ACYP2: variants seen among roughly 807,000 people sequenced by gnomAD.
ACYP2 encodes the protein acylphosphatase 2, also known as acylphosphatase-2.
Under a neutral mutation model 11.2 loss-of-function variants are expected in ACYP2, and 12 were observed. The observed-to-expected ratio is 1.08, with a 90% confidence interval of 0.69 to 1.74. ACYP2 has a LOEUF of 1.74. Ranked by LOEUF, ACYP2 falls within the 40% of genes most tolerant of loss-of-function variation. The pLI is 0.00. For missense variants in ACYP2, 134 were observed against 101.9 expected (o/e 1.31, Z -1.35); for synonymous variants, 43 against 32.2 (o/e 1.33, Z -1.13).
At chr2:54,255,144 G>A in intron 6 of ACYP2, 1 of 1,614,124 alleles carries the variant, frequency 6.2e-7, no homozygotes, top group South Asian at 1.1e-5. Flanking sequence ...TGAAGGACTG[G>A]GGTCCATGGC....
chr2:53,983,844 C>T (rs760606077), intron 2 of ACYP2, among the ~76,000 whole-genome samples: 4 of 152,090 alleles, frequency 2.6e-5, no homozygotes, highest in Non-Finnish European at 5.9e-5. Context: ...CAAGAGTTTT[C>T]AATGGGCCCA....
chr2:54,303,864 A>G (rs1358083572), intron 6 of ACYP2, among the ~76,000 whole-genome samples: 2 of 152,214 alleles, frequency 1.3e-5, no homozygotes, highest in Non-Finnish European at 2.9e-5. Context: ...TTATAAACCT[A>G]AAGTCCCAGC....
chr2:54,073,431 G>C lies in ACYP2; in HGVS notation c.277+16071G>C, dbSNP rs1307239028. On this transcript the variant is annotated intron_variant, in intron 4 of 6. Coordinates refer to ENST00000607452, the MANE Select transcript of ACYP2 (RefSeq NM_001320586.2). ...CCAGAGCTAGAAGTACAAAACTCTT[G>C]GAAGAAAACATAGATGTAACTCTTT... is the stretch of plus-strand genomic sequence containing the variant. Among the ~76,000 whole-genome samples, 2 of 152,072 alleles carry C rather than the reference G, an allele frequency of 1.3e-5. 1 individual carries two copies. Among genetic ancestry groups the C allele is most frequent in the African/African-American group, 4.8e-5 (2 of 41,402 alleles).
At chr2:54,173,565 C>T (rs994307939) in intron 6 of ACYP2, among the ~76,000 whole-genome samples, 25 of 152,172 alleles carry the variant, frequency 1.6e-4, no homozygotes, top group Admixed American at 3.3e-4. Flanking sequence ...TTGTCTATTT[C>T]GGCTTTTGTT....
chr2:54,186,733 C>A (rs1368081847), intron 6 of ACYP2, among the ~76,000 whole-genome samples: 1 of 152,086 alleles, frequency 6.6e-6, no homozygotes, highest in Non-Finnish European at 1.5e-5. Context: ...AGGCTGGTCT[C>A]AAATTCCTGA....
At chr2:54,244,316 C>G (rs1015424382) in intron 6 of ACYP2, among the ~76,000 whole-genome samples, 1 of 152,188 alleles carries the variant, frequency 6.6e-6, no homozygotes, top group African/African-American at 2.4e-5. Flanking sequence ...ATTCTTGCGC[C>G]TTAGCCTCCC....
chr2:54,049,142 T>C (rs2104569273), intron 2 of ACYP2, among the ~76,000 whole-genome samples: 1 of 152,202 alleles, frequency 6.6e-6, no homozygotes, highest in Middle Eastern at 3.4e-3. Flanking sequence ...ATGCCTGTAA[T>C]TCCAGCTACT....
intron 6 of ACYP2, chr2:54,255,639 C>G: frequency 1.2e-6 from 2 of 1,613,748 alleles, no homozygotes; most frequent in Non-Finnish European, 1.7e-6. Flanking sequence ...CCGCCACGTC[C>G]ATTTCTTCGC....
intron 6 of ACYP2, among the ~76,000 whole-genome samples, chr2:54,204,288 C>T (rs764486404): frequency 2.8e-4 from 42 of 148,676 alleles, no homozygotes; most frequent in Middle Eastern, 6.9e-3. Context: ...CCACTGCGCC[C>T]GGCCATGGGA....
chr2:54,098,993 C>T (rs979386735), intron 4 of ACYP2, among the ~76,000 whole-genome samples: 1 of 152,172 alleles, frequency 6.6e-6, no homozygotes, highest in East Asian at 1.9e-4. Flanking sequence ...CCTCCCAAAG[C>T]ACTGGGATTA....
intron 2 of ACYP2, among the ~76,000 whole-genome samples, chr2:54,032,152 T>C (rs1573562822): frequency 1.3e-5 from 2 of 152,362 alleles, no homozygotes; most frequent in East Asian, 1.9e-4. Context: ...TTGTCTATTT[T>C]GGCTTTTGTT....
At chr2:54,116,158 G>C (rs1371834413) in intron 4 of ACYP2, among the ~76,000 whole-genome samples, 1 of 152,230 alleles carries the variant, frequency 6.6e-6, no homozygotes, top group African/African-American at 2.4e-5. Flanking sequence ...AGGACACTTA[G>C]ATGGTTTAAG....
chr2:54,217,776 G>T (rs1685619660), intron 6 of ACYP2, among the ~76,000 whole-genome samples: 1 of 152,170 alleles, frequency 6.6e-6, no homozygotes, highest in African/African-American at 2.4e-5. Context: ...GTATTACGTA[G>T]ATAATTGTCA....
chr2:54,189,026 T>C (rs1684127814), intron 6 of ACYP2, among the ~76,000 whole-genome samples: 1 of 152,220 alleles, frequency 6.6e-6, no homozygotes, highest in Admixed American at 6.5e-5. Context: ...TGCTGTGATA[T>C]CTCTTTCACA....
chr2:54,261,452 T>A (rs1246187816), intron 6 of ACYP2, among the ~76,000 whole-genome samples: 1 of 152,192 alleles, frequency 6.6e-6, no homozygotes, highest in Non-Finnish European at 1.5e-5. Flanking sequence ...ACGATATGGC[T>A]TCTTGGGAAG....
At chr2:54,254,596 C>T (rs1484102761) in intron 6 of ACYP2, 4 of 257,374 alleles carry the variant, frequency 1.6e-5, no homozygotes, top group Non-Finnish European at 7.4e-6. Context: ...AGGAGCCAGA[C>T]CAGAGGTCCT....
chr2:54,180,746 G>T (rs1683671120), intron 6 of ACYP2, among the ~76,000 whole-genome samples: 1 of 152,038 alleles, frequency 6.6e-6, no homozygotes, highest in Admixed American at 6.6e-5. Flanking sequence ...TGTAGAGATG[G>T]GATTTTGCCA....
chr2:53,980,336 G>C (rs562463421), intron 2 of ACYP2, among the ~76,000 whole-genome samples: 7 of 142,806 alleles, frequency 4.9e-5, no homozygotes, highest in Non-Finnish European at 1.0e-4. Context: ...CTGGGAGATA[G>C]AGTGAGACCC....
At chr2:54,297,044 G>GT (rs1240741027) in intron 6 of ACYP2, among the ~76,000 whole-genome samples, 1 of 151,740 alleles carries the variant, frequency 6.6e-6, no homozygotes, top group Non-Finnish European at 1.5e-5. Flanking sequence ...AAACTAATAG[G>GT]TAAAATATGC....
Sources: allele counts gnomAD v4.1 joint callset (sites outside exome capture counted in the v4.1 genomes callset), GRCh38; gene constraint gnomAD v4.1.1; transcripts MANE v1.5; gene names NCBI Gene and HGNC (gene_info 2026-07-23, HGNC 2026-07-21).